FAF1: variants seen among roughly 807,000 people sequenced by gnomAD.
FAF1 encodes the protein FAS-associated factor 1.
Under a neutral mutation model 92.5 loss-of-function variants are expected in FAF1, and 25 were observed. That is an observed-to-expected ratio of 0.27 (90% CI 0.20 to 0.38). FAF1 has a LOEUF of 0.38. Ranked by LOEUF, FAF1 falls within the 10% of genes least tolerant of loss-of-function variation. The probability of loss-of-function intolerance (pLI) is 1.00; values close to 1 mark genes in which losing one functional copy is unlikely to be tolerated. For synonymous variants in FAF1, 234 were observed against 273.2 expected (o/e 0.86, Z 1.42); for missense variants, 636 against 793.3 (o/e 0.80, Z 2.38).
chr1:50,946,119 G>A (rs1476886403), intron 1 of FAF1, among the ~76,000 whole-genome samples: 1 of 152,222 alleles, frequency 6.6e-6, no homozygotes, highest in Non-Finnish European at 1.5e-5. Context: ...CTCAGGCAAA[G>A]CAAAATTCTA....
intron 10 of FAF1, among the ~76,000 whole-genome samples, chr1:50,584,314 A>G (rs1651123847): frequency 6.6e-6 from 1 of 152,142 alleles, no homozygotes. Context: ...ATAGAAAAGT[A>G]ACATTATTAC....
intron 13 of FAF1, among the ~76,000 whole-genome samples, chr1:50,554,729 C>T (rs747809564): frequency 7.9e-5 from 12 of 152,164 alleles, no homozygotes; most frequent in Non-Finnish European, 1.3e-4. Context: ...AAAATGAACC[C>T]TTGCTTACCT....
chr1:50,783,484 AG>A (rs1661256107), intron 4 of FAF1, among the ~76,000 whole-genome samples: 1 of 152,228 alleles, frequency 6.6e-6, no homozygotes, highest in Non-Finnish European at 1.5e-5. Context: ...TAAATTCAAC[AG>A]CACATTGAAA....
chr1:50,608,633 G>C (rs1355273297), intron 8 of FAF1, among the ~76,000 whole-genome samples: 1 of 152,186 alleles, frequency 6.6e-6, no homozygotes, highest in African/African-American at 2.4e-5. Flanking sequence ...AGAAGGAGAA[G>C]TCCTACCCCA....
At chr1:50,920,315 A>C (rs1644952683) in intron 1 of FAF1, among the ~76,000 whole-genome samples, 1 of 151,950 alleles carries the variant, frequency 6.6e-6, no homozygotes, top group Non-Finnish European at 1.5e-5. Flanking sequence ...AAAAAAAAAA[A>C]AAGTAAAGAA....
intron 2 of FAF1, among the ~76,000 whole-genome samples, chr1:50,851,886 A>G (rs1443018893): frequency 6.6e-6 from 1 of 152,192 alleles, no homozygotes; most frequent in Non-Finnish European, 1.5e-5. Context: ...CATGTTTCTA[A>G]AAACTGAGAT....
chr1:50,890,419 G>T (rs150183244), intron 1 of FAF1, among the ~76,000 whole-genome samples: 13,134 of 152,162 alleles, frequency 0.086, 584 homozygotes, highest in African/African-American at 0.098. Flanking sequence ...GTTAGCTGGT[G>T]ATTTTGCTCG....
intron 3 of FAF1, among the ~76,000 whole-genome samples, chr1:50,797,192 G>T (rs1366755308): frequency 2.6e-5 from 4 of 151,936 alleles, no homozygotes; most frequent in African/African-American, 9.7e-5. Flanking sequence ...AGTCAATGAA[G>T]GATCCCATCA....
intron 8 of FAF1, among the ~76,000 whole-genome samples, chr1:50,625,748 G>C (rs1653469050): frequency 6.6e-6 from 1 of 152,206 alleles, no homozygotes; most frequent in African/African-American, 2.4e-5. Flanking sequence ...GGGAGGCACT[G>C]ATCAGATTAT....
intron 4 of FAF1, among the ~76,000 whole-genome samples, chr1:50,746,542 TC>T (rs1421914457): frequency 6.6e-6 from 1 of 151,540 alleles, no homozygotes; most frequent in Admixed American, 6.6e-5. Flanking sequence ...CCTCAGGTGA[TC>T]CGTCTGCCTC....
At chr1:50,919,320 C>T (rs114029798) in intron 1 of FAF1, among the ~76,000 whole-genome samples, 1,972 of 151,658 alleles carry the variant, frequency 0.013, 44 homozygotes, top group African/African-American at 0.044. Flanking sequence ...TGCTAATCTA[C>T]ACAAAGAGCA....
chr1:50,947,473 T>C (rs765792805), intron 1 of FAF1, among the ~76,000 whole-genome samples: 1 of 152,242 alleles, frequency 6.6e-6, no homozygotes, highest in Admixed American at 6.5e-5. Flanking sequence ...TCTGTTAATT[T>C]TACCAGACTG....
chr1:50,569,363 T>C (rs1263208886), intron 12 of FAF1, among the ~76,000 whole-genome samples: 1 of 152,126 alleles, frequency 6.6e-6, no homozygotes, highest in East Asian at 1.9e-4. Context: ...CCCAGCCTGT[T>C]TGATGAAAGA....
At chr1:50,734,380 A>G (rs12091622) in intron 6 of FAF1, among the ~76,000 whole-genome samples, 3,053 of 152,296 alleles carry the variant, frequency 0.02, 99 homozygotes, top group African/African-American at 0.071. Flanking sequence ...GGCTTTTTTA[A>G]TAATCAGCAT....
chr1:50,845,042 C>T (rs1387575786), intron 2 of FAF1, among the ~76,000 whole-genome samples: 4 of 152,156 alleles, frequency 2.6e-5, no homozygotes, highest in African/African-American at 9.7e-5. Context: ...TATCTGTCAT[C>T]CAATATCTCC....
At chr1:50,853,819 AT>A (rs1644370600) in intron 2 of FAF1, among the ~76,000 whole-genome samples, 1 of 152,064 alleles carries the variant, frequency 6.6e-6, no homozygotes, top group African/African-American at 2.4e-5. Context: ...TGTCAAAATA[AT>A]TTTTAATAGT....
chr1:50,646,482 T>A (rs1654592749), intron 8 of FAF1, among the ~76,000 whole-genome samples: 1 of 152,206 alleles, frequency 6.6e-6, no homozygotes, highest in South Asian at 2.1e-4. Flanking sequence ...TTTAAATAAA[T>A]GAATGCAATT....
rs552939746 is a variant in FAF1, at chr1:50,806,699, A to T, written c.115-5022T>A. On this transcript the variant is annotated intron_variant, in intron 2 of 18. Coordinates refer to ENST00000396153, the MANE Select transcript of FAF1 (RefSeq NM_007051.3). ...CATGTTCCTAACCTCAAGAGTCCAG[A>T]CAAGAATGCCGGGGGCCTGGTGTCA... Among the ~76,000 whole-genome samples the T allele has an allele frequency of 2.0e-5, 3 of 152,342 alleles. No individual in the cohort carries two copies. The South Asian group carries it at 6.2e-4, about 32-fold the overall frequency.
At chr1:50,462,124 G>C (rs1003199859) in intron 18 of FAF1, 1 of 149,712 alleles carries the variant, frequency 6.7e-6, no homozygotes, top group Non-Finnish European at 1.5e-5. Flanking sequence ...GTTGTGCCTG[G>C]TTTCTCCTGG....
Sources: gnomAD v4.1 joint callset for allele counts (sites outside exome capture counted in the v4.1 genomes callset) on GRCh38, gnomAD v4.1.1 for gene constraint, MANE v1.5 for transcripts, NCBI Gene and HGNC (gene_info 2026-07-23, HGNC 2026-07-21) for gene names.